Variants in PCYT1A observed in about 807,000 individuals in gnomAD.
PCYT1A encodes phosphate cytidylyltransferase 1A, choline, also known as choline-phosphate cytidylyltransferase A.
In PCYT1A, 25 loss-of-function variants were observed where a neutral mutation model predicts 43.7. That is an observed-to-expected ratio of 0.57 (90% CI 0.42 to 0.80). The LOEUF (loss-of-function observed/expected upper bound fraction) is 0.80, where lower values mean the gene tolerates loss of function less well. Among genes scored for constraint, PCYT1A ranks in the 30% least tolerant of loss-of-function variants. The pLI is 0.00. For missense variants in PCYT1A, 421 were observed against 474.2 expected, an observed-to-expected ratio of 0.89 and a Z score of 1.04; for synonymous variants, 172 against 170.7, an observed-to-expected ratio of 1.01 and a Z score of -0.06.
At chr3:196,241,782 G>A in intron 7 of PCYT1A, 166 bp downstream of exon 7, 3 of 1,182,730 alleles carry the variant, frequency 2.5e-6, no homozygotes, top group Non-Finnish European at 3.6e-6. Context: ...GGCAGAAACT[G>A]TCTGTTTCAT....
rs183791898 is a variant in PCYT1A at position 196,259,033 on chromosome 3, T to C, written c.118-1146A>G. On this transcript the variant is annotated intron_variant, in intron 2 of 8. Transcript: ENST00000431016. ...ATTATTTATTCCTTAAATGTTTTTG[T>C]GGTTTTTGTAAAGACACTCTGTCAC... 8.5e-5 allele frequency among the ~76,000 whole-genome samples: 13 copies of C among 152,356 alleles called. 1 individual carries two copies. In the East Asian group the frequency reaches 1.9e-3, roughly 23 times the overall value.
intron 1 of PCYT1A, among the ~76,000 whole-genome samples, chr3:196,272,691 T>C (rs1462340011): frequency 3.3e-5 from 5 of 152,248 alleles, no homozygotes; most frequent in African/African-American, 1.2e-4. Context: ...TTGTTCACAG[T>C]TTCCAGCTAT....
chr3:196,262,031 T>A (rs1373854319), intron 2 of PCYT1A, among the ~76,000 whole-genome samples: 4 of 152,180 alleles, frequency 2.6e-5, no homozygotes, highest in African/African-American at 9.7e-5. Flanking sequence ...TAGTATTTTT[T>A]TAAAACACTG....
Position 196,247,648 on chromosome 3 carries a change from TAA to T in PCYT1A, c.335-132_335-131del. The T allele has an allele frequency of 1.1e-6, 1 of 891,646 alleles. No individual in the cohort carries two copies. Among genetic ancestry groups the T allele is most frequent in the South Asian group, 1.4e-5 (1 of 72,364 alleles). 55.2% of individuals were successfully genotyped at this position (891,646 alleles called of 1,614,324 possible). On this transcript the variant is annotated intron_variant, in intron 4 of 8. Transcript: ENST00000431016. This position sits in a 1 kb window ranked among gnomAD's most constrained non-coding sequence, Gnocchi z 4.8. ...CTTCCCCAACTGGAAAAAAGTCTTCTAAAGGTGGTTGAACCTGGGTGATAACG... is the reference window on the plus strand; with the variant it reads ...CTTCCCCAACTGGAAAAAAGTCTTCTAGGTGGTTGAACCTGGGTGATAACG...
rs184789001 is a variant in PCYT1A at position 196,268,452 on chromosome 3, T to G, written c.117+1963A>C. Among the ~76,000 whole-genome samples the G allele has an allele frequency of 3.3e-5, 5 of 152,242 alleles. No homozygotes were observed. Among genetic ancestry groups the G allele is most frequent in the Admixed American group, 3.3e-4 (5 of 15,286 alleles). On this transcript the variant is annotated intron_variant, in intron 2 of 8. Coordinates refer to ENST00000431016, the MANE Select transcript of PCYT1A (RefSeq NM_001312673.2). The surrounding 1 kb of genome is among the most constrained non-coding windows in gnomAD (Gnocchi z 4.4). ...CCCCCCTGCAGATGGCCACACCCAT[T>G]CCCTGGAGCCTGTGACTGTTTTACC... is the stretch of plus-strand genomic sequence containing the variant.
In PCYT1A at chr3:196,239,533, G is replaced by A; in HGVS notation, c.897+14C>T. The A allele has an allele frequency of 6.4e-7, 1 of 1,557,402 alleles. No homozygotes were observed. The highest frequency in any genetic ancestry group is 8.9e-7 in the Non-Finnish European group (1 of 1,129,246). On this transcript the variant is annotated intron_variant, in intron 8 of 8. Coordinates refer to ENST00000431016, the MANE Select transcript of PCYT1A (RefSeq NM_001312673.2). ...CATGGAACTCCCTACATTGTCCAGT[G>A]GGAAAGAACATACCAGTGCTCCTTC...
chr3:196,237,648 A>C lies in PCYT1A; in HGVS notation c.*1040T>G, dbSNP rs1641872891. On this transcript the variant is annotated 3_prime_UTR_variant, in exon 9 of 9. Coordinates refer to ENST00000431016, the MANE Select transcript of PCYT1A (RefSeq NM_001312673.2). ...GTGTTTCCTATGCTTTTGCCTTTAC[A>C]TTCTGTGCAAATCTCTCTAATATGG... 1 of 152,214 alleles carries C rather than the reference A, an allele frequency of 6.6e-6. No individual in the cohort carries two copies. Among genetic ancestry groups the C allele is most frequent in the Non-Finnish European group, 1.5e-5 (1 of 68,032 alleles). The allele number at this position is 152,214 out of a possible 1,614,324, so 9.4% of individuals were successfully genotyped here. A position where few individuals can be genotyped will look rare whatever the true frequency, so the allele number is the denominator to read the frequency against.
rs1022754725 is a variant in PCYT1A at position 196,238,595 on chromosome 3, A to G, written c.*93T>C. On this transcript the variant is annotated 3_prime_UTR_variant, in exon 9 of 9. Transcript: ENST00000431016. The stretch of plus-strand genomic sequence containing the variant: ...TTGTCTTTCCTTTGTAGCTGTCCTT[A>G]GGTTTAGTGTTGGGGTCACAATTTG... 1.2e-6 allele frequency: 1 copy of G among 834,180 alleles called. No individual in the cohort carries two copies. Among genetic ancestry groups the G allele is most frequent in the Non-Finnish European group, 1.8e-6 (1 of 552,598 alleles). The allele number at this position is 834,180 out of a possible 1,614,324, so 51.7% of individuals were successfully genotyped here.
rs373884509 is a variant in PCYT1A, at chr3:196,248,244, C to T, written c.297G>A (p.Ala99=). The stretch of plus-strand genomic sequence containing the variant: ...GGTACGTATTAGGGAAAAGGTTCTT[C>T]GCTTGCATCAGAGCTCGGGCGTGAC... ...HSGHARALMQ[A]KNLFPNTYLI... The change falls in exon 4 of 9, where the codon GCG becomes GCA. Residue 99 remains alanine, a synonymous_variant. Coordinates refer to ENST00000431016, the MANE Select transcript of PCYT1A (RefSeq NM_001312673.2). 9.3e-5 allele frequency: 150 copies of T among 1,612,502 alleles called. No individual in the cohort carries two copies. Among genetic ancestry groups the T allele is most frequent in the Non-Finnish European group, 5.9e-5 (69 of 1,178,602 alleles).
At chr3:196,265,391 C>T (rs747350741) in intron 2 of PCYT1A, among the ~76,000 whole-genome samples, 4 of 152,020 alleles carry the variant, frequency 2.6e-5, no homozygotes, top group Non-Finnish European at 2.9e-5. Context: ...ATAAGCTAAA[C>T]GTCTTATGTT....
At chr3:196,267,864 T>A (rs1277735329) in intron 2 of PCYT1A, among the ~76,000 whole-genome samples, 1 of 152,222 alleles carries the variant, frequency 6.6e-6, no homozygotes, top group East Asian at 1.9e-4. Context: ...AAGTCTTGCT[T>A]GCTTTTGTTA....
rs770505732 is a variant in PCYT1A at position 196,242,131 on chromosome 3, G to A, written c.566-41C>T. On this transcript the variant is annotated intron_variant, in intron 6 of 8. Coordinates refer to ENST00000431016, the MANE Select transcript of PCYT1A (RefSeq NM_001312673.2). This position sits in a 1 kb window ranked among gnomAD's most constrained non-coding sequence, Gnocchi z 4.2. ...ATACAGACAAACACTGTGAGGTTCT[G>A]GTTAGCTCAGGTATTAAGACTAAAT... The A allele has an allele frequency of 5.6e-6, 9 of 1,603,808 alleles. No individual in the cohort carries two copies. In the East Asian group the frequency reaches 1.8e-4, roughly 32 times the overall value.
intron 1 of PCYT1A, among the ~76,000 whole-genome samples, chr3:196,285,824 C>T (rs1725895206): frequency 6.6e-6 from 1 of 152,182 alleles, no homozygotes; most frequent in Non-Finnish European, 1.5e-5. Flanking sequence ...TGTCTTTTTA[C>T]TAGCAATTCT....
At chr3:196,266,054 A>C (rs1331521854) in intron 2 of PCYT1A, among the ~76,000 whole-genome samples, 1 of 150,812 alleles carries the variant, frequency 6.6e-6, no homozygotes, top group Non-Finnish European at 1.5e-5. Flanking sequence ...GTGCCCATTA[A>C]AAAAAAATAA....
At chr3:196,286,108 G>C (rs547480577) in intron 1 of PCYT1A, among the ~76,000 whole-genome samples, 2 of 148,554 alleles carry the variant, frequency 1.3e-5, no homozygotes, top group African/African-American at 5.0e-5. Flanking sequence ...TGTCACCCGG[G>C]CTGGAGTGCA....
rs191976009 is a variant in PCYT1A at position 196,241,795 on chromosome 3, T to A, written c.708+153A>T. The A allele has an allele frequency of 1.6e-3, 1,995 of 1,215,912 alleles. 6 individuals carry two copies. Among genetic ancestry groups the A allele is most frequent in the Middle Eastern group, 5.1e-3 (27 of 5,340 alleles). 75.3% of individuals were successfully genotyped at this position (1,215,912 alleles called of 1,614,324 possible). A position where few individuals can be genotyped will look rare whatever the true frequency, so the allele number is the denominator to read the frequency against. On this transcript the variant is annotated intron_variant, in intron 7 of 8. Transcript: ENST00000431016. Reference sequence around the variant, plus strand: ...ACGGCAGAAACTGTCTGTTTCATTCTTTTTGTGAACAGTTAACATAGTGGT... The same window carrying A: ...ACGGCAGAAACTGTCTGTTTCATTCATTTTGTGAACAGTTAACATAGTGGT...
At position 196,247,233 on chromosome 3, in the gene PCYT1A, T is replaced by C. The variant is rs1451587863; in HGVS notation, c.486+134A>G. On this transcript the variant is annotated intron_variant, in intron 5 of 8. Coordinates refer to ENST00000431016, the MANE Select transcript of PCYT1A (RefSeq NM_001312673.2). This position sits in a 1 kb window ranked among gnomAD's most constrained non-coding sequence, Gnocchi z 4.8. ...TGACTGTTATCACTAGTAATATCAC[T>C]GTCATCTCCTACGAAACTTACATAA... 6 of 889,118 alleles carry C rather than the reference T, an allele frequency of 6.7e-6. No individual in the cohort carries two copies. The highest frequency in any genetic ancestry group is 1.1e-5 in the Non-Finnish European group (6 of 551,734). 55.1% of individuals were successfully genotyped at this position (889,118 alleles called of 1,614,324 possible).
At chr3:196,239,046 A>G in intron 8 of PCYT1A, 152 bp from the exon 9 acceptor site, 1 of 442,220 alleles carries the variant, frequency 2.3e-6, no homozygotes, top group Non-Finnish European at 3.9e-6. Context: ...TTCTTCCTCA[A>G]TAATCTAGTC....
At position 196,252,934 on chromosome 3, in the gene PCYT1A, A is replaced by G. The variant is rs1325914940; in HGVS notation, c.218-4611T>C. ...AAGAAAAAAATATTTTTAAAAAGATAATTTTTAATAAGACAAAGCAAAATA... is the reference window on the plus strand; with the variant it reads ...AAGAAAAAAATATTTTTAAAAAGATGATTTTTAATAAGACAAAGCAAAATA... On this transcript the variant is annotated intron_variant, in intron 3 of 8. Coordinates refer to ENST00000431016, the MANE Select transcript of PCYT1A (RefSeq NM_001312673.2). The surrounding 1 kb of genome is among the most constrained non-coding windows in gnomAD (Gnocchi z 4.0). Among the ~76,000 whole-genome samples, 1 of 152,254 alleles carries G rather than the reference A, an allele frequency of 6.6e-6. No individual in the cohort carries two copies. The highest frequency in any genetic ancestry group is 1.5e-5 in the Non-Finnish European group (1 of 68,052).
Sources: allele counts gnomAD v4.1 joint callset (sites outside exome capture counted in the v4.1 genomes callset), GRCh38; gene constraint gnomAD v4.1.1; non-coding constraint Gnocchi (gnomAD v3.1); transcripts MANE v1.5; gene names NCBI Gene and HGNC (gene_info 2026-07-23, HGNC 2026-07-21).